The following MTMR2 variants were observed in gnomAD, a reference collection of about 807,000 sequenced individuals.
MTMR2 encodes myotubularin related protein 2, also known as phosphatidylinositol-3,5-bisphosphate 3-phosphatase MTMR2.
A neutral mutation model predicts 86.9 loss-of-function variants in MTMR2; 55 were observed. The observed-to-expected ratio is 0.63, with a 90% CI of 0.51 to 0.79. MTMR2 has a LOEUF of 0.79. Among genes scored for constraint, MTMR2 ranks in the 30% least tolerant of loss-of-function variants. MTMR2 has a pLI of 0.00. For missense variants in MTMR2, 659 were observed against 772.3 expected (o/e 0.85, Z 1.74); for synonymous variants, 241 against 266.8 (o/e 0.90, Z 0.94).
intron 2 of MTMR2, among the ~76,000 whole-genome samples, chr11:95,874,797 C>T (rs1865040698): frequency 6.6e-6 from 1 of 152,036 alleles, no homozygotes; most frequent in African/African-American, 2.4e-5. Flanking sequence ...CTGGCGGTGA[C>T]AAAAATCTCT....
chr11:95,896,327 T>C (rs1865881363), intron 1 of MTMR2, among the ~76,000 whole-genome samples: 1 of 151,968 alleles, frequency 6.6e-6, no homozygotes. Flanking sequence ...TTTTGGTTTT[T>C]TTTTTTGAGG....
At chr11:95,857,148 ACG>A (rs1864243406) in intron 7 of MTMR2, among the ~76,000 whole-genome samples, 2 of 152,150 alleles carry the variant, frequency 1.3e-5, no homozygotes. Context: ...TTAAAATGCT[ACG>A]TTTGAAATTT....
At chr11:95,862,153 A>G in intron 4 of MTMR2, 51 bp from the exon 5 acceptor site, 2 of 1,539,438 alleles carry the variant, frequency 1.3e-6, no homozygotes, top group Non-Finnish European at 9.0e-7. Flanking sequence ...ATACTGTCCA[A>G]TTATAGAGCT....
At chr11:95,847,997 C>G in intron 9 of MTMR2, 98 bp from the exon 10 acceptor site, 2 of 1,205,956 alleles carry the variant, frequency 1.7e-6, no homozygotes, top group East Asian at 2.5e-5. Context: ...ATACATATTA[C>G]TGGAGACAAG....
At chr11:95,885,556 A>C (rs1865485057) in intron 2 of MTMR2, among the ~76,000 whole-genome samples, 1 of 152,176 alleles carries the variant, frequency 6.6e-6, no homozygotes. Flanking sequence ...TGGAATCAAT[A>C]AAGTCGTTCT....
At chr11:95,896,365 G>A (rs1055792625) in intron 1 of MTMR2, among the ~76,000 whole-genome samples, 2 of 151,442 alleles carry the variant, frequency 1.3e-5, no homozygotes, top group African/African-American at 4.9e-5. Flanking sequence ...ACCCAGGCTG[G>A]AGTGCAACAG....
chr11:95,845,076 C>T lies in MTMR2; in HGVS notation c.1263G>A (p.Trp421Ter). The T allele has an allele frequency of 6.2e-7, 1 of 1,613,918 alleles. No homozygotes were observed. The change falls in exon 11 of 15, where the codon TGG becomes TGA. Residue 421 changes from tryptophan to a stop codon, truncating the protein, a stop_gained. Transcript: ENST00000346299. LOFTEE classifies it high-confidence loss of function. ...GGGAAGTGAGCTGAGCTGTGCGATCCCAACCATCACTGCAATGCACTACCA... is the reference window on the plus strand; with the variant it reads ...GGGAAGTGAGCTGAGCTGTGCGATCTCAACCATCACTGCAATGCACTACCA... ...TSVVVHCSDG[W>*]DRTAQLTSLA...
At chr11:95,910,075 G>A (rs1488688916) in intron 1 of MTMR2, among the ~76,000 whole-genome samples, 1 of 150,448 alleles carries the variant, frequency 6.6e-6, no homozygotes, top group African/African-American at 2.5e-5. Context: ...CACAAATATT[G>A]GGGAGAAATT....
At chr11:95,877,757 G>A (rs920704801) in intron 2 of MTMR2, among the ~76,000 whole-genome samples, 1 of 152,022 alleles carries the variant, frequency 6.6e-6, no homozygotes, top group Non-Finnish European at 1.5e-5. Flanking sequence ...ACAATCCAAG[G>A]AACATCAAAG....
At chr11:95,916,076 G>A (rs1421113185) in intron 1 of MTMR2, among the ~76,000 whole-genome samples, 1 of 152,114 alleles carries the variant, frequency 6.6e-6, no homozygotes, top group African/African-American at 2.4e-5. Flanking sequence ...CTCTCTTTCA[G>A]TGTGTTTTCT....
At chr11:95,835,737 A>T (rs1341108249) in intron 14 of MTMR2, among the ~76,000 whole-genome samples, 1 of 152,118 alleles carries the variant, frequency 6.6e-6, no homozygotes, top group East Asian at 1.9e-4. Flanking sequence ...AAAAGACAGT[A>T]GTCAGAAGAT....
chr11:95,836,270 C>T lies in MTMR2; in HGVS notation c.1648G>A (p.Asp550Asn). 2.5e-6 allele frequency: 4 copies of T among 1,613,012 alleles called. No homozygotes were observed. Among genetic ancestry groups the T allele is most frequent in the Non-Finnish European group, 3.4e-6 (4 of 1,179,232 alleles). ...LWSYINSQLE[D>N]FTNPLYGSYS... ...CTCCCATAGAGAGGATTAGTGAAGT[C>T]TTCCAGCTGGCTGTTTATGTAAGAC... The change falls in exon 14 of 15, where the codon GAC becomes AAC. Residue 550 changes from aspartate (D) to asparagine (N), a missense_variant. Around this residue, in one of 3 missense-constraint regions of MTMR2, gnomAD observed 193 missense variants for 191.6 expected, o/e 1.01. Coordinates refer to ENST00000346299, the MANE Select transcript of MTMR2 (RefSeq NM_016156.6).
At chr11:95,902,094 G>A (rs1866094951) in intron 1 of MTMR2, among the ~76,000 whole-genome samples, 2 of 152,118 alleles carry the variant, frequency 1.3e-5, no homozygotes, top group African/African-American at 4.8e-5. Flanking sequence ...CATCCACAAA[G>A]ACTGCTTCGT....
chr11:95,862,358 C>T lies in MTMR2; in HGVS notation c.271G>A (p.Val91Ile). Residue 91 changes from valine (V) to isoleucine (I), a missense_variant, in exon 4 of 15, where the codon GTA becomes ATA. Coordinates refer to ENST00000346299, the MANE Select transcript of MTMR2 (RefSeq NM_016156.6). ...CCAGTGAATGGACATATATAAGTTA[C>T]ATCTTTGGCTGAAAAAGCAAGAAGT... is the stretch of plus-strand genomic sequence containing the variant. ...GENIKDMAKD[V>I]TYICPFTGAV... 2 of 1,613,824 alleles carry T rather than the reference C, an allele frequency of 1.2e-6. No individual in the cohort carries two copies. Among genetic ancestry groups the T allele is most frequent in the Non-Finnish European group, 1.7e-6 (2 of 1,179,768 alleles).
At chr11:95,877,332 C>T (rs1268625) in intron 2 of MTMR2, among the ~76,000 whole-genome samples, 64,100 of 107,332 alleles carry the variant, frequency 0.6, 19,878 homozygotes, top group African/African-American at 0.8. Flanking sequence ...CAGGGAAGCC[C>T]TTTTTTTTTT....
At chr11:95,835,601 T>C in intron 14 of MTMR2, 150 bp from the exon 15 acceptor site, 1 of 763,034 alleles carries the variant, frequency 1.3e-6, no homozygotes, top group Non-Finnish European at 2.2e-6. Flanking sequence ...ACCGGGACTG[T>C]GGACACCACT....
At chr11:95,874,447 G>C (rs1865020007) in intron 2 of MTMR2, among the ~76,000 whole-genome samples, 1 of 151,896 alleles carries the variant, frequency 6.6e-6, no homozygotes, top group African/African-American at 2.4e-5. Flanking sequence ...CATTTGCTTG[G>C]TAGATCTTCC....
At chr11:95,912,376 A>C (rs1056573547) in intron 1 of MTMR2, among the ~76,000 whole-genome samples, 6 of 151,922 alleles carry the variant, frequency 3.9e-5, no homozygotes, top group African/African-American at 1.4e-4. Flanking sequence ...AAGAACAAAA[A>C]AGTTTTTAAT....
chr11:95,878,795 T>A (rs951125728), intron 2 of MTMR2, among the ~76,000 whole-genome samples: 4 of 152,134 alleles, frequency 2.6e-5, no homozygotes, highest in Admixed American at 1.3e-4. Context: ...TGATGGTTCA[T>A]AATAGATTAT....
Sources: gnomAD v4.1 joint callset for allele counts (sites outside exome capture counted in the v4.1 genomes callset) on GRCh38, gnomAD v4.1.1 for gene constraint, gnomAD v4.1.1 regional missense constraint, MANE v1.5 for transcripts, NCBI Gene and HGNC (gene_info 2026-07-23, HGNC 2026-07-21) for gene names.